The following STXBP3 variants were observed in gnomAD, a reference collection of about 807,000 sequenced individuals.
The protein encoded by STXBP3 is syntaxin-binding protein 3.
Under a neutral mutation model 85.7 loss-of-function variants are expected in STXBP3, and 41 were observed. The ratio of observed to expected loss-of-function variants is 0.48; its 90% CI spans 0.37 to 0.62. STXBP3 has a LOEUF of 0.62. Among genes scored for constraint, STXBP3 ranks in the 20% least tolerant of loss-of-function variants. The pLI is 0.00. For missense variants in STXBP3, 563 were observed against 703.1 expected, an observed-to-expected ratio of 0.80 and a Z score of 2.25; for synonymous variants, 229 against 231.7, an observed-to-expected ratio of 0.99 and a Z score of 0.10.
rs1557814142 is a variant in STXBP3 at position 108,795,488 on chromosome 1, C to CT, written c.1110+584dup. Among the ~76,000 whole-genome samples, 9 of 146,248 alleles carry CT rather than the reference C, an allele frequency of 6.2e-5. No individual in the cohort carries two copies. In the South Asian group the frequency reaches 1.9e-3, roughly 32 times the overall value. ...GGGCAGCCTGGGCAAGACCCTGTCT[C>CT]TTTAAAAAAAAAAAAGAAAAAAAAA... is the stretch of plus-strand genomic sequence containing the variant. On this transcript the variant is annotated intron_variant, in intron 13 of 18. Coordinates refer to ENST00000370008, the MANE Select transcript of STXBP3 (RefSeq NM_007269.4).
At chr1:108,758,813 A>G (rs1662071393) in intron 5 of STXBP3, among the ~76,000 whole-genome samples, 1 of 152,236 alleles carries the variant, frequency 6.6e-6, no homozygotes, top group Non-Finnish European at 1.5e-5. Flanking sequence ...TAGAAAATTA[A>G]AAGAAACTAT....
At chr1:108,772,531 A>C (rs942294836) in intron 6 of STXBP3, 134 bp from the exon 7 acceptor site, 23 of 238,446 alleles carry the variant, frequency 9.6e-5, no homozygotes, top group African/African-American at 2.1e-4. Flanking sequence ...CATATGATAT[A>C]TATCTATATA....
At chr1:108,746,846 T>A in intron 1 of STXBP3, 60 bp downstream of exon 1, 2 of 1,525,578 alleles carry the variant, frequency 1.3e-6, no homozygotes, top group Non-Finnish European at 1.8e-6. Flanking sequence ...GTGCCGGGCC[T>A]CGTTTTGCAG....
chr1:108,786,131 A>G (rs962096664), intron 11 of STXBP3, among the ~76,000 whole-genome samples: 14 of 152,348 alleles, frequency 9.2e-5, no homozygotes, highest in African/African-American at 1.9e-4. Context: ...GAAATACCTG[A>G]GACTGGGTAA....
intron 18 of STXBP3, 24 bp downstream of exon 18, chr1:108,807,573 T>C (rs781245675): frequency 2.5e-6 from 4 of 1,573,856 alleles, no homozygotes; most frequent in Non-Finnish European, 3.4e-6. Context: ...TTTCTTCTTT[T>C]CTGTTTTTTT....
At chr1:108,784,018 T>C (rs1386509070) in intron 11 of STXBP3, among the ~76,000 whole-genome samples, 1 of 152,172 alleles carries the variant, frequency 6.6e-6, no homozygotes, top group East Asian at 1.9e-4. Context: ...GAAGTTATTT[T>C]CTGGATATGA....
chr1:108,808,964 T>G lies in STXBP3; in HGVS notation c.*87T>G. 1.1e-6 allele frequency: 1 copy of G among 888,380 alleles called. No homozygotes were observed. Among genetic ancestry groups the G allele is most frequent in the Admixed American group, 2.6e-5 (1 of 37,976 alleles). The allele number at this position is 888,380 out of a possible 1,614,324, so 55.0% of individuals were successfully genotyped here. On this transcript the variant is annotated 3_prime_UTR_variant, in exon 19 of 19. Coordinates refer to ENST00000370008, the MANE Select transcript of STXBP3 (RefSeq NM_007269.4). ...TGTTGCTGTCATGTAATTTAAACAA[T>G]GTAAATATTTTATGGAATAATGGCT...
At chr1:108,786,485 T>C (rs1662831219) in intron 11 of STXBP3, among the ~76,000 whole-genome samples, 1 of 152,256 alleles carries the variant, frequency 6.6e-6, no homozygotes, top group Non-Finnish European at 1.5e-5. Context: ...GGTAAGGGTC[T>C]AGCTTCATTT....
chr1:108,772,624 A>G (rs772669595), intron 6 of STXBP3, 41 bp from the exon 7 acceptor site: 19 of 1,274,336 alleles, frequency 1.5e-5, no homozygotes, highest in Middle Eastern at 2.1e-4. Flanking sequence ...TTTTTAAATC[A>G]GGTCTCCAGA....
intron 6 of STXBP3, chr1:108,767,358 C>T (rs747636338): frequency 1.7e-5 from 4 of 240,818 alleles, no homozygotes; most frequent in Non-Finnish European, 3.3e-5. Flanking sequence ...TGCTTCCTCC[C>T]ATTGTGAAGT....
At chr1:108,747,053 C>T (rs561403395) in intron 1 of STXBP3, among the ~76,000 whole-genome samples, 7 of 150,888 alleles carry the variant, frequency 4.6e-5, no homozygotes, top group Admixed American at 3.3e-4. Context: ...CGAAGCTCCG[C>T]CCCGGGTGAG....
intron 3 of STXBP3, among the ~76,000 whole-genome samples, chr1:108,754,900 A>G (rs1661986342): frequency 6.6e-6 from 1 of 152,154 alleles, no homozygotes; most frequent in South Asian, 2.1e-4. Context: ...TAAGTTTGCT[A>G]TGGTTTAATT....
At chr1:108,785,566 C>T (rs1662807973) in intron 11 of STXBP3, among the ~76,000 whole-genome samples, 2 of 152,000 alleles carry the variant, frequency 1.3e-5, no homozygotes, top group Non-Finnish European at 2.9e-5. Flanking sequence ...GACATTTTCC[C>T]CGTTGTTTTG....
chr1:108,769,149 G>T (rs573207471), intron 6 of STXBP3, among the ~76,000 whole-genome samples: 5 of 152,034 alleles, frequency 3.3e-5, no homozygotes, highest in African/African-American at 1.2e-4. Flanking sequence ...AAAAGAAAAT[G>T]TTATTAAGAA....
chr1:108,751,366 A>G (rs980668153), intron 1 of STXBP3, among the ~76,000 whole-genome samples: 36 of 152,216 alleles, frequency 2.4e-4, no homozygotes, highest in Non-Finnish European at 4.4e-4. Context: ...GTTATTATTT[A>G]TACCCTCTGA....
chr1:108,772,927 T>C (rs1662500463), intron 7 of STXBP3, 108 bp downstream of exon 7: 1 of 1,091,002 alleles, frequency 9.2e-7, no homozygotes, highest in Non-Finnish European at 1.2e-6. Flanking sequence ...TTTATTTTCT[T>C]TGTATGATTA....
chr1:108,772,857 T>C, intron 7 of STXBP3, 38 bp downstream of exon 7: 2 of 1,472,784 alleles, frequency 1.4e-6, no homozygotes, highest in Non-Finnish European at 1.8e-6. Flanking sequence ...ATGCTTCCTA[T>C]TTACCATTCA....
intron 6 of STXBP3, among the ~76,000 whole-genome samples, chr1:108,772,260 T>TGATATCTATCTGTATCATATATAAATAC (rs1662471777): frequency 2.7e-5 from 2 of 74,644 alleles, no homozygotes; most frequent in East Asian, 2.3e-4. Context: ...TATAAATACA[T>TGATATCTATCTGTATCATATATAAATAC]ATGATATCTA....
At chr1:108,779,094 C>T (rs999358948) in intron 8 of STXBP3, among the ~76,000 whole-genome samples, 192 bp from the exon 9 acceptor site, 1 of 152,126 alleles carries the variant, frequency 6.6e-6, no homozygotes, top group Admixed American at 6.6e-5. Context: ...TTGGGCTACT[C>T]AGATTTTTCT....
Sources: allele counts gnomAD v4.1 joint callset (sites outside exome capture counted in the v4.1 genomes callset), GRCh38; gene constraint gnomAD v4.1.1; transcripts MANE v1.5; gene names NCBI Gene and HGNC (gene_info 2026-07-23, HGNC 2026-07-21).